The following PPP3CA variants were observed in gnomAD, a reference collection of about 807,000 sequenced individuals.
The protein encoded by PPP3CA is protein phosphatase 3 catalytic subunit alpha.
Under a neutral mutation model 66.5 loss-of-function variants are expected in PPP3CA, and 14 were observed. The ratio of observed to expected loss-of-function variants is 0.21; its 90% CI spans 0.14 to 0.33. PPP3CA has a LOEUF of 0.33. Among genes scored for constraint, PPP3CA ranks in the 10% least tolerant of loss-of-function variants. PPP3CA has a pLI of 1.00. For missense variants in PPP3CA, 317 were observed against 639.5 expected, an observed-to-expected ratio of 0.50 and a Z score of 5.44; for synonymous variants, 232 against 226.2, an observed-to-expected ratio of 1.03 and a Z score of -0.23.
rs747398634 is a variant in PPP3CA, at chr4:101,040,499, T to C, written c.1224A>G (p.Arg408=). 8 of 1,612,952 alleles carry C rather than the reference T, an allele frequency of 5.0e-6. No individual in the cohort carries two copies. In the Admixed American group the frequency reaches 1.3e-4, roughly 27 times the overall value. The change falls in exon 11 of 14, where the codon AGA becomes AGG. Residue 408 remains arginine, a synonymous_variant. Coordinates refer to ENST00000394854, the MANE Select transcript of PPP3CA (RefSeq NM_000944.5). ...GCACCCACCTGAGCACTGAGAACAC[T>C]CTGGCCATTTTGCCTATTGCTCGGA... is the stretch of plus-strand genomic sequence containing the variant. ...NKIRAIGKMA[R]VFSVLREESE... is the part of the protein sequence containing the mutation.
chr4:101,244,468 C>T (rs374779206), intron 1 of PPP3CA, among the ~76,000 whole-genome samples: 1 of 152,106 alleles, frequency 6.6e-6, no homozygotes, highest in South Asian at 2.1e-4. Flanking sequence ...ATTCCAAGAG[C>T]ATGTAACATG....
intron 2 of PPP3CA, among the ~76,000 whole-genome samples, chr4:101,181,699 A>G (rs1432898987): frequency 2.6e-5 from 4 of 152,116 alleles, no homozygotes; most frequent in Non-Finnish European, 5.9e-5. Flanking sequence ...GATTATACAA[A>G]ATAAAGTATC....
At chr4:101,199,675 C>T (rs974487048) in intron 1 of PPP3CA, among the ~76,000 whole-genome samples, 39 of 152,176 alleles carry the variant, frequency 2.6e-4, no homozygotes, top group African/African-American at 8.4e-4. Flanking sequence ...TCACAGAAGG[C>T]TTTAAAGGCA....
chr4:101,036,046 G>GTGCT (rs1215427271), intron 11 of PPP3CA, among the ~76,000 whole-genome samples: 1 of 152,188 alleles, frequency 6.6e-6, no homozygotes, highest in Non-Finnish European at 1.5e-5. Context: ...GAATTAAGAT[G>GTGCT]TGCTGTAAGT....
intron 1 of PPP3CA, among the ~76,000 whole-genome samples, chr4:101,266,376 G>C (rs926232315): frequency 6.6e-6 from 1 of 152,048 alleles, no homozygotes; most frequent in Admixed American, 6.6e-5. Flanking sequence ...TTAAGTGAAT[G>C]CATTTTTCAA....
intron 2 of PPP3CA, among the ~76,000 whole-genome samples, chr4:101,118,727 T>C (rs976228823): frequency 8.6e-5 from 13 of 152,006 alleles, no homozygotes; most frequent in Non-Finnish European, 1.8e-4. Context: ...TTAAATTACT[T>C]TCTTATTCAT....
intron 13 of PPP3CA, among the ~76,000 whole-genome samples, chr4:101,026,431 C>T (rs1306023762): frequency 2.0e-5 from 3 of 152,322 alleles, no homozygotes; most frequent in South Asian, 2.1e-4. Flanking sequence ...AAGCATCAAA[C>T]ACCTTAACCT....
chr4:101,223,202 T>C (rs923300198), intron 1 of PPP3CA, among the ~76,000 whole-genome samples: 5 of 151,784 alleles, frequency 3.3e-5, no homozygotes, highest in African/African-American at 1.2e-4. Context: ...AGCTAATTGA[T>C]TCCCTAGGTG....
intron 1 of PPP3CA, among the ~76,000 whole-genome samples, chr4:101,306,576 C>T (rs1728541266): frequency 6.6e-6 from 1 of 152,132 alleles, no homozygotes; most frequent in South Asian, 2.1e-4. Context: ...CCACCACCTT[C>T]ACTTCTCGGA....
rs1726493746 is a variant in PPP3CA, at chr4:101,023,831, A to T, written c.*2034T>A. 1 of 152,668 alleles carries T rather than the reference A, an allele frequency of 6.6e-6. No individual in the cohort carries two copies. The highest frequency in any genetic ancestry group is 1.5e-5 in the Non-Finnish European group (1 of 68,036). The allele number at this position is 152,668 out of a possible 1,614,324, so 9.5% of individuals were successfully genotyped here. The stretch of plus-strand genomic sequence containing the variant: ...AAAACAAAGTGCACTAAAGATGAAC[A>T]ATGTTACAAACAAACTGAAATTTGG... On this transcript the variant is annotated 3_prime_UTR_variant, in exon 14 of 14. Coordinates refer to ENST00000394854, the MANE Select transcript of PPP3CA (RefSeq NM_000944.5).
intron 2 of PPP3CA, among the ~76,000 whole-genome samples, chr4:101,163,687 T>C (rs1025019401): frequency 3.3e-5 from 5 of 152,142 alleles, no homozygotes; most frequent in Admixed American, 6.5e-5. Context: ...CAGCAGTAGG[T>C]GTTAGGATAC....
At chr4:101,308,533 A>C (rs1728617691) in intron 1 of PPP3CA, among the ~76,000 whole-genome samples, 1 of 152,008 alleles carries the variant, frequency 6.6e-6, no homozygotes, top group Non-Finnish European at 1.5e-5. Context: ...GCAGCCTCCA[A>C]CTCCTGGGCT....
At chr4:101,164,556 A>G (rs1461164546) in intron 2 of PPP3CA, among the ~76,000 whole-genome samples, 1 of 87,754 alleles carries the variant, frequency 1.1e-5, no homozygotes, top group East Asian at 4.2e-4. Flanking sequence ...AAATAATGGG[A>G]TTTAAGTTTT....
At position 101,120,330 on chromosome 4, in the gene PPP3CA, A is replaced by G. The variant is rs1721987074; in HGVS notation, c.260-11252T>C. On this transcript the variant is annotated intron_variant, in intron 2 of 13. Coordinates refer to ENST00000394854, the MANE Select transcript of PPP3CA (RefSeq NM_000944.5). Reference sequence around the variant, plus strand: ...TACTGGGATAATAACAAAAATAAAAATATGGCTTCAAGAAGGGCATACTTG... The same window carrying G: ...TACTGGGATAATAACAAAAATAAAAGTATGGCTTCAAGAAGGGCATACTTG... 2.0e-5 allele frequency among the ~76,000 whole-genome samples: 3 copies of G among 152,108 alleles called. No homozygotes were observed. The South Asian group carries it at 6.2e-4, about 32-fold the overall frequency.
At chr4:101,038,873 G>T (rs1411399714) in intron 11 of PPP3CA, among the ~76,000 whole-genome samples, 1 of 152,116 alleles carries the variant, frequency 6.6e-6, no homozygotes, top group Non-Finnish European at 1.5e-5. Flanking sequence ...TATAGAGCTT[G>T]CTTTTATTTT....
chr4:101,320,231 C>T (rs1728998082), intron 1 of PPP3CA, among the ~76,000 whole-genome samples: 1 of 151,190 alleles, frequency 6.6e-6, no homozygotes, highest in African/African-American at 2.4e-5. Context: ...CTATTCAAAA[C>T]TGTGATTTTA....
chr4:101,126,972 T>C (rs1023943836), intron 2 of PPP3CA, among the ~76,000 whole-genome samples: 2 of 152,282 alleles, frequency 1.3e-5, no homozygotes, highest in Middle Eastern at 3.4e-3. Context: ...CAAGTGTAAG[T>C]CTACTGCTTA....
intron 1 of PPP3CA, among the ~76,000 whole-genome samples, chr4:101,317,235 C>T (rs772188849): frequency 1.2e-4 from 17 of 146,686 alleles, no homozygotes; most frequent in Non-Finnish European, 2.4e-4. Context: ...CTTGGAGGCC[C>T]CTTAACTCGG....
At chr4:101,052,918 A>G (rs1279128536) in intron 10 of PPP3CA, among the ~76,000 whole-genome samples, 1 of 151,954 alleles carries the variant, frequency 6.6e-6, no homozygotes, top group African/African-American at 2.4e-5. Flanking sequence ...TTTTATCCCA[A>G]TTCCTGCTGC....
Sources: gnomAD v4.1 joint callset for allele counts (sites outside exome capture counted in the v4.1 genomes callset) on GRCh38, gnomAD v4.1.1 for gene constraint, MANE v1.5 for transcripts, NCBI Gene and HGNC (gene_info 2026-07-23, HGNC 2026-07-21) for gene names.